The following FAM168B variants were observed in gnomAD, a reference collection of about 807,000 sequenced individuals.
The protein encoded by FAM168B is myelin-associated neurite-outgrowth inhibitor.
In FAM168B, 19 loss-of-function variants were observed where a neutral mutation model predicts 21.8. The ratio of observed to expected loss-of-function variants is 0.87; its 90% CI spans 0.61 to 1.28. FAM168B has a LOEUF of 1.28. Among genes scored for constraint, FAM168B ranks in the 50% most tolerant of loss-of-function variants. FAM168B has a pLI of 0.00. For missense variants in FAM168B, 233 were observed against 263.1 expected (o/e 0.89, Z 0.79); for synonymous variants, 126 against 104.8 (o/e 1.20, Z -1.24).
intron 5 of FAM168B, 67 bp downstream of exon 5, chr2:131,055,205 G>A (rs893319104): frequency 6.3e-5 from 87 of 1,379,214 alleles, no homozygotes; most frequent in Non-Finnish European, 7.6e-5. Context: ...CAGAGGATTC[G>A]TGAGCTCTCC....
At chr2:131,075,370 C>T (rs1372563366) in intron 2 of FAM168B, among the ~76,000 whole-genome samples, 3 of 152,070 alleles carry the variant, frequency 2.0e-5, no homozygotes, top group Admixed American at 6.5e-5. Flanking sequence ...CTCATCTCTC[C>T]CTAAAACTCT....
rs1007862804 is a variant in FAM168B at position 131,048,860 on chromosome 2, C to T, written c.*3605G>A. On this transcript the variant is annotated 3_prime_UTR_variant, in exon 7 of 7. Coordinates refer to ENST00000389915, the MANE Select transcript of FAM168B (RefSeq NM_001009993.4). ...GCCACACCCCTGCCACCTGCTGCTG[C>T]GCCCAATGGAGGTCCTGTCCTGTCC... is the stretch of plus-strand genomic sequence containing the variant. 41 of 986,272 alleles carry T rather than the reference C, an allele frequency of 4.2e-5. No individual in the cohort carries two copies. Among genetic ancestry groups the T allele is most frequent in the Admixed American group, 6.1e-5 (1 of 16,308 alleles). 61.1% of individuals were successfully genotyped at this position (986,272 alleles called of 1,614,324 possible). A position where few individuals can be genotyped will look rare whatever the true frequency, so the allele number is the denominator to read the frequency against.
At chr2:131,077,614 C>T (rs1326392354) in intron 2 of FAM168B, among the ~76,000 whole-genome samples, 1 of 152,196 alleles carries the variant, frequency 6.6e-6, no homozygotes, top group Admixed American at 6.5e-5. Context: ...CCTTGTTGAC[C>T]TGGGCGGTGC....
At chr2:131,061,433 C>A (rs2105483316) in intron 3 of FAM168B, among the ~76,000 whole-genome samples, 1 of 151,898 alleles carries the variant, frequency 6.6e-6, no homozygotes, top group South Asian at 2.1e-4. Flanking sequence ...AAAGAACAAG[C>A]AAGGAAGTTA....
In FAM168B at chr2:131,048,803, AGAG is replaced by A. The variant is rs1412474947; in HGVS notation, c.*3659_*3661del. The A allele has an allele frequency of 5.1e-6, 5 of 986,082 alleles. No individual in the cohort carries two copies. The highest frequency in any genetic ancestry group is 2.4e-6 in the Non-Finnish European group (2 of 830,246). 61.1% of individuals were successfully genotyped at this position (986,082 alleles called of 1,614,324 possible). The stretch of plus-strand genomic sequence containing the variant: ...TAGAGACCCTCTCAGAAAGCACCAG[AGAG>A]GAGGACCAGACGCTGCCACCCACCT... On this transcript the variant is annotated 3_prime_UTR_variant, in exon 7 of 7. Coordinates refer to ENST00000389915, the MANE Select transcript of FAM168B (RefSeq NM_001009993.4).
At chr2:131,083,699 AGAGTATTATAC>A (rs1261496359) in intron 1 of FAM168B, among the ~76,000 whole-genome samples, 1 of 152,268 alleles carries the variant, frequency 6.6e-6, no homozygotes, top group African/African-American at 2.4e-5. Flanking sequence ...AAAACAAAGT[AGAGTATTATAC>A]TGCATCCTGC....
chr2:131,082,987 G>A (rs907910562), intron 1 of FAM168B, among the ~76,000 whole-genome samples: 2 of 152,158 alleles, frequency 1.3e-5, no homozygotes, highest in African/African-American at 2.4e-5. Context: ...TTGGGAGGCC[G>A]AGGTGGGCAG....
chr2:131,071,727 G>A, intron 3 of FAM168B, 128 bp downstream of exon 3: 1 of 768,760 alleles, frequency 1.3e-6, no homozygotes, highest in Non-Finnish European at 2.2e-6. Flanking sequence ...TTATCAACAG[G>A]CTAACTTAAT....
At position 131,049,795 on chromosome 2, in the gene FAM168B, C is replaced by T; in HGVS notation, c.*2670G>A. On this transcript the variant is annotated 3_prime_UTR_variant, in exon 7 of 7. Transcript: ENST00000389915. ...CACAAAAAGCAAATTTCTCAGAATG[C>T]TCCACCATATGCTTCGGGACAAATT... 3.0e-6 allele frequency: 3 copies of T among 985,874 alleles called. No homozygotes were observed. The highest frequency in any genetic ancestry group is 2.4e-6 in the Non-Finnish European group (2 of 829,946). The allele number at this position is 985,874 out of a possible 1,614,324, so 61.1% of individuals were successfully genotyped here. A position where few individuals can be genotyped will look rare whatever the true frequency, so the allele number is the denominator to read the frequency against.
chr2:131,079,967 A>G (rs1470673363), intron 2 of FAM168B, among the ~76,000 whole-genome samples: 1 of 152,036 alleles, frequency 6.6e-6, no homozygotes, highest in Non-Finnish European at 1.5e-5. Context: ...AAATACAAAC[A>G]TTAGCTGGGC....
In FAM168B at chr2:131,050,538, A is replaced by T. The variant is rs908006275; in HGVS notation, c.*1927T>A. On this transcript the variant is annotated 3_prime_UTR_variant, in exon 7 of 7. Transcript: ENST00000389915. ...AAGATGGATTAAGTGCTCATGAAGC[A>T]ATTTAAAGTACTTATCAGTAAACAT... 22 of 985,760 alleles carry T rather than the reference A, an allele frequency of 2.2e-5. No individual in the cohort carries two copies. The highest frequency in any genetic ancestry group is 5.2e-5 in the African/African-American group (3 of 57,242). 61.1% of individuals were successfully genotyped at this position (985,760 alleles called of 1,614,324 possible).
chr2:131,051,204 C>G lies in FAM168B; in HGVS notation c.*1261G>C. Reference sequence around the variant, plus strand: ...ACAGACACTGGCCTCCCCCTCGCCCCATCTCTAAGCGTCCCCTCCAGCCGG... The same window carrying G: ...ACAGACACTGGCCTCCCCCTCGCCCGATCTCTAAGCGTCCCCTCCAGCCGG... On this transcript the variant is annotated 3_prime_UTR_variant, in exon 7 of 7. Transcript: ENST00000389915. 1 of 985,344 alleles carries G rather than the reference C, an allele frequency of 1.0e-6. No individual in the cohort carries two copies. The highest frequency in any genetic ancestry group is 1.2e-6 in the Non-Finnish European group (1 of 829,940). The allele number at this position is 985,344 out of a possible 1,614,324, so 61.0% of individuals were successfully genotyped here.
chr2:131,078,259 T>C (rs1347380292), intron 2 of FAM168B, among the ~76,000 whole-genome samples: 2 of 152,144 alleles, frequency 1.3e-5, no homozygotes, highest in African/African-American at 4.8e-5. Context: ...CTCAGTAGTA[T>C]GTTGGAAAAA....
chr2:131,084,075 G>T (rs1693560201), intron 1 of FAM168B, among the ~76,000 whole-genome samples: 1 of 151,606 alleles, frequency 6.6e-6, no homozygotes, highest in South Asian at 2.1e-4. Context: ...GCTAATTTTT[G>T]TATTTTTAGT....
chr2:131,091,530 C>G (rs1280706844), intron 1 of FAM168B, among the ~76,000 whole-genome samples: 2 of 139,540 alleles, frequency 1.4e-5, no homozygotes, highest in African/African-American at 5.4e-5. Context: ...GCCTGTAATC[C>G]CAGCTACTCG....
chr2:131,086,227 A>G (rs1482432689), intron 1 of FAM168B, among the ~76,000 whole-genome samples: 1 of 152,134 alleles, frequency 6.6e-6, no homozygotes, highest in African/African-American at 2.4e-5. Context: ...CAAGAAGCAA[A>G]TATTTCCCAA....
intron 1 of FAM168B, among the ~76,000 whole-genome samples, chr2:131,092,398 T>C (rs1694079561): frequency 6.6e-6 from 1 of 152,216 alleles, no homozygotes; most frequent in Non-Finnish European, 1.5e-5. Context: ...TGTCCTGTTT[T>C]TGCCAAAACC....
At chr2:131,077,208 C>T (rs1425837664) in intron 2 of FAM168B, among the ~76,000 whole-genome samples, 1 of 120,034 alleles carries the variant, frequency 8.3e-6, no homozygotes, top group Non-Finnish European at 1.7e-5. Flanking sequence ...AACGCTATTA[C>T]ATTTAAAAAA....
intron 3 of FAM168B, among the ~76,000 whole-genome samples, chr2:131,064,766 C>T (rs1171056827): frequency 6.6e-6 from 1 of 152,048 alleles, no homozygotes; most frequent in Non-Finnish European, 1.5e-5. Context: ...AACAGTGACC[C>T]CCCCAGGGTC....
Sources: gnomAD v4.1 joint callset for allele counts (sites outside exome capture counted in the v4.1 genomes callset) on GRCh38, gnomAD v4.1.1 for gene constraint, MANE v1.5 for transcripts, NCBI Gene and HGNC (gene_info 2026-07-23, HGNC 2026-07-21) for gene names.